FBXL5: variants seen among roughly 807,000 people sequenced by gnomAD.
FBXL5 encodes F-box and leucine rich repeat protein 5, also known as F-box/LRR-repeat protein 5.
A neutral mutation model predicts 78.3 loss-of-function variants in FBXL5; 26 were observed. The observed-to-expected ratio is 0.33, with a 90% CI of 0.24 to 0.46. FBXL5 has a LOEUF of 0.46. Ranked by LOEUF, FBXL5 falls within the 20% of genes least tolerant of loss-of-function variation. The pLI is 1.00. For synonymous variants in FBXL5, 295 were observed against 282.5 expected, an observed-to-expected ratio of 1.04 and a Z score of -0.45; for missense variants, 710 against 829.2, an observed-to-expected ratio of 0.86 and a Z score of 1.77.
At chr4:15,640,977 G>A (rs1013017487) in intron 2 of FBXL5, 94 bp from the exon 3 acceptor site, 39 of 585,356 alleles carry the variant, frequency 6.7e-5, no homozygotes, top group East Asian at 3.2e-4. Flanking sequence ...TAAAACCTCC[G>A]GGGAAAAAAA....
At chr4:15,610,303 A>G (rs1018777052) in intron 10 of FBXL5, among the ~76,000 whole-genome samples, 2 of 152,238 alleles carry the variant, frequency 1.3e-5, no homozygotes, top group Admixed American at 6.5e-5. Context: ...AGAACAACCT[A>G]TGTGGAACTC....
intron 10 of FBXL5, among the ~76,000 whole-genome samples, chr4:15,608,628 CACCAGAA>C (rs1722040572): frequency 6.6e-6 from 1 of 151,312 alleles, no homozygotes; most frequent in East Asian, 2.0e-4. Flanking sequence ...ATTTTAAGTT[CACCAGAA>C]TTGAGTTTCA....
intron 10 of FBXL5, among the ~76,000 whole-genome samples, chr4:15,606,216 A>C (rs777827075): frequency 6.6e-6 from 1 of 152,188 alleles, no homozygotes; most frequent in Non-Finnish European, 1.5e-5. Context: ...AGTATTGAGC[A>C]ATTACAATAA....
Position 15,655,312 on chromosome 4 carries a change from A to C in FBXL5, c.-25T>G, listed in dbSNP as rs1716759063. ...TCGCCACTGCCTCAGCCTCCGCCTC[A>C]GCAGCCGCGGCCGCCGCCTCTCCAT... is the stretch of plus-strand genomic sequence containing the variant. On this transcript the variant is annotated 5_prime_UTR_variant, in exon 1 of 11. Transcript: ENST00000341285. 2 of 1,371,504 alleles carry C rather than the reference A, an allele frequency of 1.5e-6. No individual in the cohort carries two copies. Among genetic ancestry groups the C allele is most frequent in the Admixed American group, 2.4e-5 (1 of 42,340 alleles). 85.0% of individuals were successfully genotyped at this position (1,371,504 alleles called of 1,614,324 possible).
intron 5 of FBXL5, among the ~76,000 whole-genome samples, chr4:15,631,412 T>G (rs1713648809): frequency 6.6e-6 from 1 of 152,264 alleles, no homozygotes; most frequent in Non-Finnish European, 1.5e-5. Context: ...GCATAATTTA[T>G]AATCCTTTGG....
chr4:15,653,945 G>A (rs1181101802), intron 1 of FBXL5, among the ~76,000 whole-genome samples: 1 of 152,182 alleles, frequency 6.6e-6, no homozygotes, highest in Admixed American at 6.5e-5. Flanking sequence ...AGCAACCAAG[G>A]TTGCAAACCA....
intron 5 of FBXL5, among the ~76,000 whole-genome samples, chr4:15,633,973 G>A (rs1713958173): frequency 6.6e-6 from 1 of 152,000 alleles, no homozygotes; most frequent in Non-Finnish European, 1.5e-5. Flanking sequence ...ATTTTGGGCT[G>A]GGTAACTGTT....
chr4:15,626,678 A>G (rs1713097687), intron 8 of FBXL5, among the ~76,000 whole-genome samples, 195 bp downstream of exon 8: 1 of 152,236 alleles, frequency 6.6e-6, no homozygotes, highest in Admixed American at 6.5e-5. Context: ...AGATTGCAAG[A>G]TAATACAGAT....
chr4:15,645,354 T>C (rs545656570), intron 1 of FBXL5, among the ~76,000 whole-genome samples: 7 of 152,332 alleles, frequency 4.6e-5, no homozygotes, highest in African/African-American at 1.7e-4. Context: ...GAACCAGTTT[T>C]AAAGTCACAT....
rs1247587003 is a variant in FBXL5, at chr4:15,604,445, G to A, written c.*1278C>T. On this transcript the variant is annotated 3_prime_UTR_variant, in exon 11 of 11. Coordinates refer to ENST00000341285, the MANE Select transcript of FBXL5 (RefSeq NM_012161.4). Reference sequence around the variant, plus strand: ...ATGGCATTCCAAAGCAATTACAATAGTAACAACAATCACTGGCCACAGATC... The same window carrying A: ...ATGGCATTCCAAAGCAATTACAATAATAACAACAATCACTGGCCACAGATC... 1.3e-5 allele frequency: 2 copies of A among 151,938 alleles called. No individual in the cohort carries two copies. The highest frequency in any genetic ancestry group is 6.6e-5 in the Admixed American group (1 of 15,254). The allele number at this position is 151,938 out of a possible 1,614,324, so 9.4% of individuals were successfully genotyped here.
chr4:15,637,926 G>A (rs905032961), intron 4 of FBXL5, among the ~76,000 whole-genome samples: 10 of 146,800 alleles, frequency 6.8e-5, no homozygotes, highest in African/African-American at 2.5e-4. Flanking sequence ...AAGGCAGCAC[G>A]TTTTATTTGC....
chr4:15,671,636 G>A (rs923274132), intron 1 of FBXL5, among the ~76,000 whole-genome samples: 1 of 151,912 alleles, frequency 6.6e-6, no homozygotes, highest in Non-Finnish European at 1.5e-5. Flanking sequence ...GTGGGTTTAT[G>A]GTTTCCATCA....
intron 3 of FBXL5, among the ~76,000 whole-genome samples, chr4:15,639,392 G>A (rs935120491): frequency 1.3e-5 from 2 of 152,198 alleles, no homozygotes; most frequent in African/African-American, 4.8e-5. Flanking sequence ...AGTACCCAGT[G>A]TAGTGGAACC....
intron 9 of FBXL5, among the ~76,000 whole-genome samples, chr4:15,623,858 T>C (rs921683983): frequency 5.3e-5 from 8 of 152,164 alleles, no homozygotes; most frequent in African/African-American, 1.9e-4. Context: ...AATTTCGCTC[T>C]GTCGCCCAGG....
intron 1 of FBXL5, among the ~76,000 whole-genome samples, chr4:15,647,240 AAAAG>A (rs1560236026): frequency 2.2e-5 from 3 of 133,702 alleles, no homozygotes; most frequent in African/African-American, 5.7e-5. Context: ...AAAAAAAAAA[AAAAG>A]AAAGAAAATG....
At chr4:15,639,733 C>T (rs1714645674) in intron 3 of FBXL5, among the ~76,000 whole-genome samples, 2 of 152,164 alleles carry the variant, frequency 1.3e-5, no homozygotes, top group African/African-American at 2.4e-5. Flanking sequence ...TGAAAAAATA[C>T]CCAGGTCAAT....
chr4:15,669,681 G>A (rs1228108689), intron 1 of FBXL5, among the ~76,000 whole-genome samples: 1 of 152,168 alleles, frequency 6.6e-6, no homozygotes, highest in African/African-American at 2.4e-5. Flanking sequence ...AAGACAGTCT[G>A]CTGATTTCAC....
At chr4:15,641,033 T>C (rs191896759) in intron 2 of FBXL5, 150 bp from the exon 3 acceptor site, 19 of 481,642 alleles carry the variant, frequency 3.9e-5, no homozygotes, top group South Asian at 3.1e-4. Context: ...ACATAAAAGA[T>C]ACCCATAAAA....
At chr4:15,636,758 A>C (rs2148624666) in intron 4 of FBXL5, 82 bp from the exon 5 acceptor site, 1 of 1,025,878 alleles carries the variant, frequency 9.7e-7, no homozygotes, top group Non-Finnish European at 1.4e-6. Context: ...TCTATAAACA[A>C]AATCCAGTGC....
Sources: gnomAD v4.1 joint callset for allele counts (sites outside exome capture counted in the v4.1 genomes callset) on GRCh38, gnomAD v4.1.1 for gene constraint, MANE v1.5 for transcripts, NCBI Gene and HGNC (gene_info 2026-07-23, HGNC 2026-07-21) for gene names.